AFAP1: variants seen among roughly 807,000 people sequenced by gnomAD.
The protein encoded by AFAP1 is actin filament-associated protein 1.
AFAP1 carries 75 observed loss-of-function variants against 93.9 expected under a neutral mutation model. The observed-to-expected ratio is 0.80, with a 90% CI of 0.66 to 0.97. The LOEUF is 0.97. Among genes scored for constraint, AFAP1 ranks in the 50% least tolerant of loss-of-function variants. AFAP1 has a pLI of 0.00. For synonymous variants in AFAP1, 517 were observed against 430.7 expected, an observed-to-expected ratio of 1.20 and a Z score of -2.48; for missense variants, 1,201 against 1,050.8, an observed-to-expected ratio of 1.14 and a Z score of -1.98.
chr4:7,889,684 T>C (rs1024396415), intron 1 of AFAP1, among the ~76,000 whole-genome samples: 75 of 129,176 alleles, frequency 5.8e-4, no homozygotes, highest in African/African-American at 2.0e-3. Flanking sequence ...TGTACCTCAA[T>C]GAAGCGTTTT....
In AFAP1 at chr4:7,819,061, G is replaced by C; in HGVS notation, c.822+15C>G. ...CAAGGTCACCGTCCCCACCCAGCAAGAGCAGCGCCCTTACCTTCTCCAGTT... is the reference window on the plus strand; with the variant it reads ...CAAGGTCACCGTCCCCACCCAGCAACAGCAGCGCCCTTACCTTCTCCAGTT... On this transcript the variant is annotated intron_variant, in intron 7 of 17. Coordinates refer to ENST00000420658, the MANE Select transcript of AFAP1 (RefSeq NM_001134647.2). 1.3e-6 allele frequency: 2 copies of C among 1,591,258 alleles called. No homozygotes were observed. Among genetic ancestry groups the C allele is most frequent in the Non-Finnish European group, 8.5e-7 (1 of 1,170,028 alleles).
At chr4:7,934,658 T>C (rs1401771534) in intron 1 of AFAP1, among the ~76,000 whole-genome samples, 2 of 152,006 alleles carry the variant, frequency 1.3e-5, no homozygotes, top group Non-Finnish European at 2.9e-5. Flanking sequence ...GCTTCTGAGG[T>C]GGCTGGAGGA....
chr4:7,866,037 C>T (rs1447385877), intron 3 of AFAP1, among the ~76,000 whole-genome samples: 3 of 151,818 alleles, frequency 2.0e-5, no homozygotes, highest in East Asian at 3.9e-4. Flanking sequence ...GCTGGGACTA[C>T]GGGCACCCAA....
intron 1 of AFAP1, among the ~76,000 whole-genome samples, chr4:7,872,644 ACT>A (rs1328866874): frequency 6.6e-6 from 1 of 152,104 alleles, no homozygotes; most frequent in African/African-American, 2.4e-5. Flanking sequence ...GGTAGACTTG[ACT>A]TTTCCTCTGA....
intron 14 of AFAP1, chr4:7,778,383 G>A: frequency 3.1e-6 from 1 of 321,102 alleles, no homozygotes; most frequent in Non-Finnish European, 5.9e-6. Flanking sequence ...ACGTCTGACA[G>A]ATAAAGATGC....
intron 6 of AFAP1, among the ~76,000 whole-genome samples, chr4:7,837,768 C>G (rs1712480171): frequency 6.6e-6 from 1 of 152,170 alleles, no homozygotes; most frequent in African/African-American, 2.4e-5. Flanking sequence ...CTTGTAATCC[C>G]AGCACTTTGG....
At chr4:7,773,635 C>T (rs1715739983) in intron 15 of AFAP1, 1 of 152,682 alleles carries the variant, frequency 6.5e-6, no homozygotes, top group South Asian at 2.1e-4. Flanking sequence ...ACTCCTGGCC[C>T]TCCTGCATCT....
intron 1 of AFAP1, among the ~76,000 whole-genome samples, chr4:7,877,374 A>G (rs1717578317): frequency 6.6e-6 from 1 of 152,224 alleles, no homozygotes; most frequent in Non-Finnish European, 1.5e-5. Context: ...CGCCCCATCT[A>G]CAGCAGAGGA....
rs1721444161 is a variant in AFAP1 at position 7,826,619 on chromosome 4, T to C, written c.727-7448A>G. Among the ~76,000 whole-genome samples the C allele has an allele frequency of 2.0e-5, 3 of 152,274 alleles. No homozygotes were observed. In the South Asian group the frequency reaches 6.2e-4, roughly 32 times the overall value. ...GCACACAAAAGAGATCTTCAGATTT[T>C]CACCACGGGTCTTGGGTCCTGGGCC... is the stretch of plus-strand genomic sequence containing the variant. On this transcript the variant is annotated intron_variant, in intron 6 of 17. Transcript: ENST00000420658.
At chr4:7,770,602 A>T (rs1008429580) in intron 16 of AFAP1, among the ~76,000 whole-genome samples, 1 of 152,134 alleles carries the variant, frequency 6.6e-6, no homozygotes, top group African/African-American at 2.4e-5. Flanking sequence ...TTAAGGATGG[A>T]TTCAACTAGA....
chr4:7,937,364 G>C (rs1369592075), intron 1 of AFAP1, among the ~76,000 whole-genome samples: 4 of 152,206 alleles, frequency 2.6e-5, no homozygotes, highest in Non-Finnish European at 5.9e-5. Flanking sequence ...AAGAATTAAA[G>C]GTGTAGGGCT....
At chr4:7,933,568 G>A (rs1349633375) in intron 1 of AFAP1, among the ~76,000 whole-genome samples, 1 of 152,074 alleles carries the variant, frequency 6.6e-6, no homozygotes, top group Admixed American at 6.5e-5. Flanking sequence ...GCGAGACTCC[G>A]TCTCAAAAAA....
At chr4:7,858,554 A>C (rs964479550) in intron 3 of AFAP1, among the ~76,000 whole-genome samples, 2 of 152,128 alleles carry the variant, frequency 1.3e-5, no homozygotes, top group African/African-American at 4.8e-5. Flanking sequence ...CCTTTCCAAT[A>C]AGAATTCACT....
At chr4:7,894,868 A>G (rs1334216993) in intron 1 of AFAP1, among the ~76,000 whole-genome samples, 1 of 152,038 alleles carries the variant, frequency 6.6e-6, no homozygotes, top group Non-Finnish European at 1.5e-5. Flanking sequence ...CCACGAGGGG[A>G]AGGAAGGGCC....
intron 14 of AFAP1, 95 bp downstream of exon 14, chr4:7,778,667 C>T: frequency 8.2e-7 from 1 of 1,214,606 alleles, no homozygotes; most frequent in South Asian, 1.2e-5. Context: ...CCAGCTGACC[C>T]CAAGCTGGCA....
chr4:7,827,614 A>G (rs988312474), intron 6 of AFAP1, among the ~76,000 whole-genome samples: 2 of 147,534 alleles, frequency 1.4e-5, no homozygotes, highest in African/African-American at 5.0e-5. Flanking sequence ...AAAATGAGGC[A>G]AGAGAGGACG....
At chr4:7,883,631 G>A (rs1228518500) in intron 1 of AFAP1, among the ~76,000 whole-genome samples, 5 of 152,204 alleles carry the variant, frequency 3.3e-5, no homozygotes, top group Admixed American at 6.5e-5. Context: ...AGCAGGAGAC[G>A]TGAAAACTGT....
At position 7,793,629 on chromosome 4, in the gene AFAP1, G is replaced by A. The variant is rs1718099706; in HGVS notation, c.1412+52C>T. The stretch of plus-strand genomic sequence containing the variant: ...AAAAACTAAGTTAAGCTAAGTTAGG[G>A]AAAAGACAGTTACTGAACTGTGGTG... On this transcript the variant is annotated intron_variant, in intron 11 of 17. Transcript: ENST00000420658. 2.8e-6 allele frequency: 4 copies of A among 1,427,388 alleles called. No individual in the cohort carries two copies. In the South Asian group the frequency reaches 5.2e-5, roughly 19 times the overall value. 88.4% of individuals were successfully genotyped at this position (1,427,388 alleles called of 1,614,324 possible). A position where few individuals can be genotyped will look rare whatever the true frequency, so the allele number is the denominator to read the frequency against.
chr4:7,763,351 G>A lies in AFAP1; in HGVS notation c.*414C>T, dbSNP rs1165294956. ...CCCATGGCCAGCCACACTCATGCCC[G>A]GGGCAGCCGGGGATCCAAGCTCTTC... On this transcript the variant is annotated 3_prime_UTR_variant, in exon 18 of 18. Transcript: ENST00000420658. 8 of 197,924 alleles carry A rather than the reference G, an allele frequency of 4.0e-5. No homozygotes were observed. The highest frequency in any genetic ancestry group is 9.4e-5 in the African/African-American group (4 of 42,430). 12.3% of individuals were successfully genotyped at this position (197,924 alleles called of 1,614,324 possible).
Sources: allele counts gnomAD v4.1 joint callset (sites outside exome capture counted in the v4.1 genomes callset), GRCh38; gene constraint gnomAD v4.1.1; transcripts MANE v1.5; gene names NCBI Gene and HGNC (gene_info 2026-07-23, HGNC 2026-07-21).